The following JAK2 variants were observed in gnomAD, a reference collection of about 807,000 sequenced individuals.
JAK2 encodes the protein tyrosine-protein kinase JAK2.
JAK2 carries 86 observed loss-of-function variants against 139.3 expected under a neutral mutation model. The observed-to-expected ratio is 0.62, with a 90% CI of 0.52 to 0.74. The LOEUF is 0.74. Ranked by LOEUF, JAK2 falls within the 30% of genes least tolerant of loss-of-function variation. JAK2 has a pLI of 0.00. For synonymous variants in JAK2, 490 were observed against 437.7 expected, an observed-to-expected ratio of 1.12 and a Z score of -1.49; for missense variants, 1,421 against 1,360.3, an observed-to-expected ratio of 1.04 and a Z score of -0.70.
intron 4 of JAK2, chr9:5,041,907 G>C (rs1274875411): frequency 2.0e-5 from 8 of 402,314 alleles, no homozygotes; most frequent in Non-Finnish European, 3.8e-5. Flanking sequence ...CAGAGATGGA[G>C]GTGGGCGATG....
intron 2 of JAK2, among the ~76,000 whole-genome samples, chr9:5,014,073 A>G (rs760513369): frequency 5.3e-5 from 8 of 151,920 alleles, no homozygotes; most frequent in Non-Finnish European, 1.2e-4. Context: ...GTTTGAAAAT[A>G]TGAACTTTTA....
chr9:4,998,922 C>T lies in JAK2; in HGVS notation c.-26+12900C>T, dbSNP rs1008080260. 3.3e-5 allele frequency among the ~76,000 whole-genome samples: 5 copies of T among 151,850 alleles called. No individual in the cohort carries two copies. In the East Asian group the frequency reaches 5.8e-4, roughly 18 times the overall value. On this transcript the variant is annotated intron_variant, in intron 2 of 24. Coordinates refer to ENST00000381652, the MANE Select transcript of JAK2 (RefSeq NM_004972.4). ...CTGCAAGCTCCGCCTCCCGGGTTCACGCCATTCTCCTGCCTCAGCCTCCGG... is the reference window on the plus strand; with the variant it reads ...CTGCAAGCTCCGCCTCCCGGGTTCATGCCATTCTCCTGCCTCAGCCTCCGG...
At chr9:5,098,331 A>G (rs550559891) in intron 22 of JAK2, 32 of 152,344 alleles carry the variant, frequency 2.1e-4, no homozygotes, top group African/African-American at 7.2e-4. Context: ...GCTAAATCCT[A>G]TATGTCTTAA....
chr9:5,128,987 A>T lies in JAK2; in HGVS notation c.*2196A>T, dbSNP rs1457684243. On this transcript the variant is annotated 3_prime_UTR_variant, in exon 25 of 25. Transcript: ENST00000381652. ...TTTTCCATGGGTACTTGTTTGGAAA[A>T]TAGTCACTTTTTCACGCTATTTATA... Among the ~76,000 whole-genome samples, 1 of 152,016 alleles carries T rather than the reference A, an allele frequency of 6.6e-6. No homozygotes were observed. Among genetic ancestry groups the T allele is most frequent in the Non-Finnish European group, 1.5e-5 (1 of 67,896 alleles).
chr9:5,054,949 A>T lies in JAK2; in HGVS notation c.936+65A>T. On this transcript the variant is annotated intron_variant, in intron 7 of 24. Coordinates refer to ENST00000381652, the MANE Select transcript of JAK2 (RefSeq NM_004972.4). The surrounding 1 kb of genome is among the most constrained non-coding windows in gnomAD (Gnocchi z 4.9). ...AGTACAATGGAAATAAAAACAAAGT[A>T]ATTTTAATCATTTGCAACATGGTAT... 8.1e-7 allele frequency: 1 copy of T among 1,233,690 alleles called. No individual in the cohort carries two copies. Among genetic ancestry groups the T allele is most frequent in the East Asian group, 2.5e-5 (1 of 40,210 alleles). The allele number at this position is 1,233,690 out of a possible 1,614,324, so 76.4% of individuals were successfully genotyped here.
chr9:5,090,500 A>G lies in JAK2; in HGVS notation c.2816A>G (p.Asp939Gly). 1 of 1,592,242 alleles carries G rather than the reference A, an allele frequency of 6.3e-7. No homozygotes were observed. The highest frequency in any genetic ancestry group is 2.3e-5 in the East Asian group (1 of 44,358). ...TATTTACCATATGGAAGTTTACGAG[A>G]CTATCTTCAAAAACATAAAGAACGG... ...MEYLPYGSLR[D>G]YLQKHKERID... Residue 939 changes from aspartate (D) to glycine (G), a missense_variant, in exon 21 of 25, where the codon GAC becomes GGC. Asp to Gly is a moderately conservative substitution (Grantham distance 94). Coordinates refer to ENST00000381652, the MANE Select transcript of JAK2 (RefSeq NM_004972.4).
At chr9:5,041,023 G>A in intron 4 of JAK2, 2 of 669,302 alleles carry the variant, frequency 3.0e-6, no homozygotes, top group Non-Finnish European at 2.7e-6. Flanking sequence ...GCTGCACCTG[G>A]GTACCGGTTC....
intron 2 of JAK2, among the ~76,000 whole-genome samples, chr9:4,988,828 C>T (rs1820101232): frequency 6.6e-6 from 1 of 152,174 alleles, no homozygotes; most frequent in East Asian, 1.9e-4. Context: ...CCTTAATTTT[C>T]TTCTAATCAT....
chr9:5,054,479 G>A lies in JAK2; in HGVS notation c.615-84G>A, dbSNP rs961598199. On this transcript the variant is annotated intron_variant, in intron 6 of 24. Coordinates refer to ENST00000381652, the MANE Select transcript of JAK2 (RefSeq NM_004972.4). The surrounding 1 kb of genome is among the most constrained non-coding windows in gnomAD (Gnocchi z 4.9). ...AAGGCCTACTTAATCATGGAAAAAGGTGGTAACTTCTTTTTCAATTTTTAG... is the reference window on the plus strand; with the variant it reads ...AAGGCCTACTTAATCATGGAAAAAGATGGTAACTTCTTTTTCAATTTTTAG... The A allele has an allele frequency of 2.6e-6, 3 of 1,150,638 alleles. No homozygotes were observed. Among genetic ancestry groups the A allele is most frequent in the African/African-American group, 1.6e-5 (1 of 64,308 alleles). The allele number at this position is 1,150,638 out of a possible 1,614,324, so 71.3% of individuals were successfully genotyped here.
At chr9:5,015,657 TCTTTCTCGTCATGTA>T (rs1343897769) in intron 2 of JAK2, among the ~76,000 whole-genome samples, 1 of 152,084 alleles carries the variant, frequency 6.6e-6, no homozygotes, top group African/African-American at 2.4e-5. Context: ...CCTATTGTTT[TCTTTCTCGTCATGTA>T]CTTCCAGGAA....
At position 5,127,032 on chromosome 9, in the gene JAK2, T is replaced by C. The variant is rs1216263153; in HGVS notation, c.*241T>C. The C allele has an allele frequency of 2.0e-5, 6 of 299,462 alleles. No homozygotes were observed. The highest frequency in any genetic ancestry group is 4.3e-5 in the African/African-American group (2 of 46,450). 18.6% of individuals were successfully genotyped at this position (299,462 alleles called of 1,614,324 possible). On this transcript the variant is annotated 3_prime_UTR_variant, in exon 25 of 25. Transcript: ENST00000381652. ...GATTTTGTAAGAAGTTTCTTAAACA[T>C]TGTCAGTTAACATCACTCTTGTCTG...
chr9:5,089,422 C>T (rs999498503), intron 19 of JAK2, among the ~76,000 whole-genome samples: 9 of 151,542 alleles, frequency 5.9e-5, no homozygotes, highest in Non-Finnish European at 1.0e-4. Context: ...CCTGTATTCC[C>T]AGCTACTGGG....
At chr9:5,120,342 T>G (rs944918934) in intron 22 of JAK2, among the ~76,000 whole-genome samples, 2 of 152,220 alleles carry the variant, frequency 1.3e-5, no homozygotes, top group Non-Finnish European at 2.9e-5. Context: ...CACCTGAATT[T>G]TGGAGGAGAC....
At chr9:5,019,201 T>G (rs10123873) in intron 2 of JAK2, among the ~76,000 whole-genome samples, 53,501 of 152,036 alleles carry the variant, frequency 0.35, 10,023 homozygotes, top group African/African-American at 0.49. Flanking sequence ...CTAATATTAG[T>G]TTGCTTTATG....
chr9:5,004,827 C>G (rs1025265670), intron 2 of JAK2, among the ~76,000 whole-genome samples: 2 of 151,768 alleles, frequency 1.3e-5, no homozygotes, highest in African/African-American at 4.8e-5. Context: ...CTCATTGTAA[C>G]AGGCATGAGG....
chr9:5,015,594 G>C (rs1402723428), intron 2 of JAK2, among the ~76,000 whole-genome samples: 1 of 151,194 alleles, frequency 6.6e-6, no homozygotes, highest in East Asian at 1.9e-4. Context: ...GAGTGCAGTG[G>C]CATGAGCACA....
chr9:5,037,695 G>T (rs1035290405), intron 4 of JAK2, among the ~76,000 whole-genome samples: 1 of 152,112 alleles, frequency 6.6e-6, no homozygotes, highest in South Asian at 2.1e-4. Flanking sequence ...ATCACATACC[G>T]GGGCCTGTTC....
intron 8 of JAK2, among the ~76,000 whole-genome samples, chr9:5,057,717 G>T (rs1467636983): frequency 6.6e-6 from 1 of 151,674 alleles, no homozygotes; most frequent in Non-Finnish European, 1.5e-5. Flanking sequence ...CGATAGCTGG[G>T]ATTACAGGTG....
At chr9:5,064,802 A>G (rs534277999) in intron 8 of JAK2, 81 bp from the exon 9 acceptor site, 3 of 1,053,804 alleles carry the variant, frequency 2.8e-6, no homozygotes, top group Non-Finnish European at 4.0e-6. Context: ...TGTATTTAAC[A>G]TGGAATGAAG....
Sources: gnomAD v4.1 joint callset for allele counts (sites outside exome capture counted in the v4.1 genomes callset) on GRCh38, gnomAD v4.1.1 for gene constraint, Gnocchi (gnomAD v3.1) non-coding constraint, MANE v1.5 for transcripts, NCBI Gene and HGNC (gene_info 2026-07-23, HGNC 2026-07-21) for gene names.